The following DPH6 variants were observed in gnomAD, a reference collection of about 807,000 sequenced individuals.
The protein encoded by DPH6 is diphthine--ammonia ligase.
Under a neutral mutation model 38.2 loss-of-function variants are expected in DPH6, and 33 were observed. The ratio of observed to expected loss-of-function variants is 0.86; its 90% confidence interval spans 0.65 to 1.15. The LOEUF (loss-of-function observed/expected upper bound fraction) is 1.15, where lower values mean the gene tolerates loss of function less well. DPH6 is among the 50% of genes most tolerant of loss of function. The pLI, the probability that DPH6 is intolerant of heterozygous loss-of-function variation, is 0.00. For synonymous variants in DPH6, 108 were observed against 103.0 expected (o/e 1.05, Z -0.30); for missense variants, 325 against 320.0 (o/e 1.02, Z -0.12).
chr15:35,169,448 A>C, the DPH6 span, among the ~76,000 whole-genome samples: 3 of 152,170 alleles, frequency 2.0e-5, no homozygotes, highest in African/African-American at 7.2e-5. Context: ...TTATTAGTAT[A>C]GTCTCTGTTT....
chr15:35,381,550 T>C (rs2052865387), intron 7 of DPH6, among the ~76,000 whole-genome samples: 2 of 152,142 alleles, frequency 1.3e-5, no homozygotes, highest in South Asian at 4.1e-4. Flanking sequence ...AAAGTGTCGG[T>C]GTGTAGGTAC....
chr15:35,145,520 C>A, the DPH6 span, among the ~76,000 whole-genome samples: 1 of 152,214 alleles, frequency 6.6e-6, no homozygotes, highest in African/African-American at 2.4e-5. Context: ...GCTCCAGCTG[C>A]ATTCTTTAAG....
chr15:35,404,589 T>C (rs573375105), intron 6 of DPH6, among the ~76,000 whole-genome samples: 1 of 152,274 alleles, frequency 6.6e-6, no homozygotes, highest in East Asian at 1.9e-4. Flanking sequence ...TTTTTTCCTA[T>C]AGAGTTGTAT....
chr15:35,460,221 C>A (rs890092029), intron 3 of DPH6, among the ~76,000 whole-genome samples: 1 of 151,956 alleles, frequency 6.6e-6, no homozygotes, highest in African/African-American at 2.4e-5. Flanking sequence ...GAATGAATTT[C>A]AGATCCTCAG....
At chr15:35,453,260 T>C (rs1034736886) in intron 4 of DPH6, among the ~76,000 whole-genome samples, 1 of 152,186 alleles carries the variant, frequency 6.6e-6, no homozygotes, top group African/African-American at 2.4e-5. Flanking sequence ...TCTCTACCCA[T>C]GGGCATGACA....
At chr15:35,246,287 G>C (rs1240769965) in intron 3 of DPH6, among the ~76,000 whole-genome samples, 1 of 152,198 alleles carries the variant, frequency 6.6e-6, no homozygotes, top group Non-Finnish European at 1.5e-5. Flanking sequence ...TTAAACTGGT[G>C]AACAGTTATT....
chr15:35,398,493 G>A (rs149158155), intron 6 of DPH6, among the ~76,000 whole-genome samples: 4 of 151,700 alleles, frequency 2.6e-5, no homozygotes, highest in East Asian at 3.9e-4. Context: ...CTTCCAGATC[G>A]CTGATCACAT....
intron 3 of DPH6, among the ~76,000 whole-genome samples, chr15:35,336,309 A>G (rs2052371822): frequency 6.6e-6 from 1 of 152,098 alleles, no homozygotes; most frequent in Admixed American, 6.6e-5. Flanking sequence ...AGGTACACCA[A>G]TCAGACGAAG....
chr15:35,310,740 G>A (rs2140823611), intron 3 of DPH6, among the ~76,000 whole-genome samples: 1 of 152,066 alleles, frequency 6.6e-6, no homozygotes, highest in South Asian at 2.1e-4. Context: ...CTTCTTTAAT[G>A]CTCACTGTTC....
chr15:35,250,493 C>A (rs2051666770), intron 3 of DPH6, among the ~76,000 whole-genome samples: 1 of 152,046 alleles, frequency 6.6e-6, no homozygotes, highest in Non-Finnish European at 1.5e-5. Flanking sequence ...ATGTTGCAGG[C>A]CAATACAGCT....
At chr15:35,388,583 T>C (rs1404665014) in intron 6 of DPH6, among the ~76,000 whole-genome samples, 2 of 152,246 alleles carry the variant, frequency 1.3e-5, no homozygotes, top group African/African-American at 4.8e-5. Flanking sequence ...AGTGTATGTG[T>C]CCAGGAATTT....
intron 3 of DPH6, among the ~76,000 whole-genome samples, chr15:35,479,259 C>T (rs1203199535): frequency 1.3e-5 from 2 of 151,912 alleles, no homozygotes; most frequent in Non-Finnish European, 2.9e-5. Context: ...TATCACAGAC[C>T]CATATAAATT....
intron 3 of DPH6, among the ~76,000 whole-genome samples, chr15:35,514,412 A>T (rs1010169424): frequency 1.3e-5 from 2 of 152,132 alleles, no homozygotes; most frequent in Admixed American, 1.3e-4. Context: ...AATGTTACCT[A>T]ATCTTTGACA....
intron 3 of DPH6, among the ~76,000 whole-genome samples, chr15:35,309,463 T>G (rs2052121868): frequency 6.6e-6 from 1 of 152,212 alleles, no homozygotes; most frequent in Non-Finnish European, 1.5e-5. Flanking sequence ...GAAGCATGTT[T>G]GTATGATAAT....
At chr15:35,255,408 C>T (rs1379359827) in intron 3 of DPH6, among the ~76,000 whole-genome samples, 1 of 152,084 alleles carries the variant, frequency 6.6e-6, no homozygotes, top group Non-Finnish European at 1.5e-5. Flanking sequence ...CTATTTCTAA[C>T]CAAAGTCTCA....
intron 3 of DPH6, among the ~76,000 whole-genome samples, chr15:35,353,456 A>T (rs866496710): frequency 0.02 from 3,090 of 152,242 alleles, 96 homozygotes; most frequent in African/African-American, 0.07. Flanking sequence ...TAATTTTTGT[A>T]TAAGGTGTAA....
intron 6 of DPH6, among the ~76,000 whole-genome samples, chr15:35,382,286 A>T (rs1006638967): frequency 2.0e-5 from 3 of 152,206 alleles, no homozygotes; most frequent in Non-Finnish European, 4.4e-5. Flanking sequence ...ATACAAAAAA[A>T]TTAGCCGGGC....
At chr15:35,446,546 A>G (rs534381649) in intron 5 of DPH6, among the ~76,000 whole-genome samples, 1 of 151,998 alleles carries the variant, frequency 6.6e-6, no homozygotes, top group Non-Finnish European at 1.5e-5. Flanking sequence ...TCTTAGTAAC[A>G]TTTTCTTTTC....
intron 3 of DPH6, among the ~76,000 whole-genome samples, chr15:35,243,364 ATTTTG>A (rs1277286918): frequency 7.1e-6 from 1 of 141,652 alleles, no homozygotes; most frequent in Non-Finnish European, 1.5e-5. Context: ...CTTCAACACT[ATTTTG>A]TTTTATTTTT....
Sources: gnomAD v4.1 joint callset for allele counts (sites outside exome capture counted in the v4.1 genomes callset) on GRCh38, gnomAD v4.1.1 for gene constraint, MANE v1.5 for transcripts, NCBI Gene and HGNC (gene_info 2026-07-23, HGNC 2026-07-21) for gene names.